Variants in SPTBN5 observed in about 807,000 individuals in gnomAD.
SPTBN5 encodes the protein spectrin beta chain, non-erythrocytic 5.
In SPTBN5, 513 loss-of-function variants were observed where a neutral mutation model predicts 477.6. The observed-to-expected ratio is 1.07, with a 90% CI of 1.00 to 1.16. The LOEUF (loss-of-function observed/expected upper bound fraction) is 1.16. Among genes scored for constraint, SPTBN5 ranks in the 50% most tolerant of loss-of-function variants. The pLI is 0.00. For missense variants in SPTBN5, 5,062 were observed against 4,731.8 expected (o/e 1.07, Z -2.05); for synonymous variants, 2,169 against 2,011.7 (o/e 1.08, Z -2.09).
At chr15:41,870,587 C>T (rs370739332) in intron 29 of SPTBN5, 27 bp from the exon 30 acceptor site, 54 of 1,580,174 alleles carry the variant, frequency 3.4e-5, no homozygotes, top group Admixed American at 1.0e-4. Flanking sequence ...GAAGACCAGC[C>T]GGGGATCAGC....
chr15:41,861,702 C>A (rs1184941744), intron 45 of SPTBN5, 33 bp downstream of exon 45: 2 of 1,522,040 alleles, frequency 1.3e-6, no homozygotes, highest in Non-Finnish European at 1.8e-6. Context: ...TTCGGGGGGG[C>A]AAGATGCAGG....
At chr15:41,891,721 G>A (rs2079889107) in intron 3 of SPTBN5, among the ~76,000 whole-genome samples, 1 of 152,168 alleles carries the variant, frequency 6.6e-6, no homozygotes, top group Admixed American at 6.5e-5. Flanking sequence ...GCTTAGTGGA[G>A]CCCAGCGCCT....
At position 41,886,162 on chromosome 15, in the gene SPTBN5, C is replaced by T. The variant is rs989919912; in HGVS notation, c.1093G>A (p.Ala365Thr). The change falls in exon 7 of 68, where the codon GCC (alanine) becomes ACC (threonine). Residue 365 changes from alanine to threonine, a missense_variant. By Grantham distance (58) the Ala-to-Thr change is moderately conservative. Coordinates refer to ENST00000320955, the MANE Select transcript of SPTBN5 (RefSeq NM_016642.4). Reference sequence around the variant, plus strand: ...AGCCGGAAGAGCAGGGCCTCTGCGGCCCCTCGCTGCTGTAGCCGGGGTGGC... The same window carrying T: ...AGCCGGAAGAGCAGGGCCTCTGCGGTCCCTCGCTGCTGTAGCCGGGGTGGC... ...EKPPRLQQRG[A>T]AEALLFRLQT... 10 of 1,612,266 alleles carry T rather than the reference C, an allele frequency of 6.2e-6. No individual in the cohort carries two copies. The highest frequency in any genetic ancestry group is 8.5e-6 in the Non-Finnish European group (10 of 1,179,576).
rs1160321692 is a variant in SPTBN5, at chr15:41,880,281, G to A, written c.2690C>T (p.Ala897Val). The change falls in exon 14 of 68, where the codon GCC (alanine) becomes GTC (valine). Residue 897 changes from alanine (A) to valine (V), a missense_variant. Coordinates refer to ENST00000320955, the MANE Select transcript of SPTBN5 (RefSeq NM_016642.4). ...LRRARLEEAM[A>V]LFGFCSSCGE... is the part of the protein sequence containing the mutation. ...ACAGGAACTGCAGAAACCGAACAGG[G>A]CCATGGCCTCCTCCAACCGGGCCCT... is the stretch of plus-strand genomic sequence containing the variant. The A allele has an allele frequency of 3.1e-6, 5 of 1,606,768 alleles. No homozygotes were observed. Among genetic ancestry groups the A allele is most frequent in the Non-Finnish European group, 4.2e-6 (5 of 1,177,372 alleles).
intron 55 of SPTBN5, 26 bp downstream of exon 55, chr15:41,855,198 G>A (rs149644179): frequency 1.9e-5 from 31 of 1,592,934 alleles, no homozygotes; most frequent in Non-Finnish European, 2.3e-5. Context: ...CCCACTCCCC[G>A]TGAGGTTTGC....
chr15:41,855,067 G>A, intron 55 of SPTBN5, 91 bp from the exon 56 acceptor site: 1 of 1,452,296 alleles, frequency 6.9e-7, no homozygotes, highest in East Asian at 2.3e-5. Context: ...TGATGGCTCT[G>A]AAATCCCTCA....
At chr15:41,871,975 T>C in intron 27 of SPTBN5, 58 bp from the exon 28 acceptor site, 1 of 1,464,560 alleles carries the variant, frequency 6.8e-7, no homozygotes, top group Non-Finnish European at 9.1e-7. Flanking sequence ...TGGGGGCCAG[T>C]CGGGCCAGCC....
chr15:41,861,621 G>A (rs2066110559), intron 45 of SPTBN5, 114 bp downstream of exon 45: 1 of 1,501,358 alleles, frequency 6.7e-7, no homozygotes, highest in Non-Finnish European at 9.1e-7. Context: ...TGAGTGGTGG[G>A]GAAGTCCCTG....
Position 41,872,448 on chromosome 15 carries a change from C to G in SPTBN5, c.5019G>C (p.Glu1673Asp). Residue 1673 changes from glutamate to aspartate, a missense_variant, in exon 27 of 68, where the codon GAG becomes GAC. Physicochemically the swap from Glu to Asp is conservative, Grantham distance 45 (BLOSUM62 2). Transcript: ENST00000320955. ...RLINKHQALQEELAIYWSSME... is the reference protein window; with the variant it reads ...RLINKHQALQDELAIYWSSME... ...TGGAGCTCCAGTAAATGGCTAGTTC[C>G]TCCTGTAGAGCCTATGATGCATGAG... 6.4e-7 allele frequency: 1 copy of G among 1,560,608 alleles called. No homozygotes were observed. Among genetic ancestry groups the G allele is most frequent in the Non-Finnish European group, 8.7e-7 (1 of 1,152,808 alleles).
intron 4 of SPTBN5, among the ~76,000 whole-genome samples, chr15:41,889,487 G>A (rs906688941): frequency 8.0e-5 from 12 of 150,612 alleles, no homozygotes; most frequent in Admixed American, 1.3e-4. Context: ...GTGTGATCTC[G>A]GCTCATCACA....
chr15:41,852,426 C>T, intron 61 of SPTBN5, 110 bp from the exon 62 acceptor site: 1 of 1,413,960 alleles, frequency 7.1e-7, no homozygotes. Context: ...AGGGGGCCTG[C>T]CTCCCCATCA....
chr15:41,892,982 C>T lies in SPTBN5; in HGVS notation c.296G>A (p.Gly99Glu). Residue 99 changes from glycine (G) to glutamate (E), a missense_variant, in exon 3 of 68, where the codon GGG (glycine) becomes GAG (glutamate). Coordinates refer to ENST00000320955, the MANE Select transcript of SPTBN5 (RefSeq NM_016642.4). ...CCGGCTCGGGGGTGGCAGGGCCTCC[C>T]CTGAGATGAGCTCCAGCAGCCGCAG... ...HLLRLLELIS[G>E]EALPPPSRGR... 2.5e-6 allele frequency: 4 copies of T among 1,609,966 alleles called. No individual in the cohort carries two copies. The highest frequency in any genetic ancestry group is 3.4e-6 in the Non-Finnish European group (4 of 1,179,788).
intron 34 of SPTBN5, 61 bp from the exon 35 acceptor site, chr15:41,867,703 C>T (rs1197838923): frequency 9.3e-6 from 14 of 1,508,626 alleles, no homozygotes; most frequent in Non-Finnish European, 1.3e-5. Flanking sequence ...CCTCCAGCTG[C>T]AGTCTGTGCC....
Position 41,881,053 on chromosome 15 carries a change from C to T in SPTBN5, c.2639G>A (p.Ser880Asn). 1.9e-6 allele frequency: 3 copies of T among 1,595,306 alleles called. No individual in the cohort carries two copies. The highest frequency in any genetic ancestry group is 2.6e-6 in the Non-Finnish European group (3 of 1,170,202). The change falls in exon 13 of 68, where the codon AGT (serine) becomes AAT (asparagine). Residue 880 changes from serine to asparagine, a missense_variant. Physicochemically the swap from Ser to Asn is conservative, Grantham distance 46. Transcript: ENST00000320955. The stretch of plus-strand genomic sequence containing the variant: ...TGTTACCTGTGCCAGGGCCCGCAGA[C>T]TCTCATAGTCCTGACTCAAGTGGTC... ...TQDHLSQDYE[S>N]LRALAQLRRA... is the part of the protein sequence containing the mutation.
rs568511518 is a variant in SPTBN5, at chr15:41,866,498, T to G, written c.6481-5A>C. ...CGCCTGGATCCAGTCCTCAGCCTGG[T>G]GGGGGTGGGACATGAATGCTGCAAT... On this transcript the variant is annotated splice_region_variant and splice_polypyrimidine_tract_variant and intron_variant, in intron 36 of 67. Transcript: ENST00000320955. 1.3e-6 allele frequency: 2 copies of G among 1,554,840 alleles called. No homozygotes were observed. Among genetic ancestry groups the G allele is most frequent in the African/African-American group, 1.4e-5 (1 of 72,854 alleles).
rs549339724 is a variant in SPTBN5 at position 41,855,293 on chromosome 15, G to A, written c.9354C>T (p.Asp3118=). 18 of 1,611,828 alleles carry A rather than the reference G, an allele frequency of 1.1e-5. No individual in the cohort carries two copies. The highest frequency in any genetic ancestry group is 2.2e-5 in the East Asian group (1 of 44,872). ...HQLERETLLL[D]AWLTTKAATA... is the part of the protein sequence containing the mutation. ...TGGCCGCCTTGGTGGTCAGCCAGGC[G>A]TCGAGGAGCAGGGTCTCTCGCTCCA... The change falls in exon 55 of 68, where the codon GAC becomes GAT. Residue 3118 remains aspartate, a synonymous_variant. Coordinates refer to ENST00000320955, the MANE Select transcript of SPTBN5 (RefSeq NM_016642.4).
At chr15:41,893,210 C>A in intron 2 of SPTBN5, 72 bp downstream of exon 2, 5 of 1,601,662 alleles carry the variant, frequency 3.1e-6, no homozygotes, top group Non-Finnish European at 4.3e-6. Context: ...CCACAGCTCA[C>A]CCCGGAGGCC....
intron 67 of SPTBN5, among the ~76,000 whole-genome samples, chr15:41,849,109 G>T (rs928830030): frequency 6.6e-6 from 1 of 152,204 alleles, no homozygotes; most frequent in African/African-American, 2.4e-5. Context: ...CCTGGCATGG[G>T]GCCCATGCAC....
At chr15:41,850,071 T>TG in intron 66 of SPTBN5, 112 bp from the exon 67 acceptor site, 1 of 926,270 alleles carries the variant, frequency 1.1e-6, no homozygotes, top group Middle Eastern at 2.2e-4. Context: ...TTAGGCAGCC[T>TG]GGCTATGCCA....
Sources: allele counts gnomAD v4.1 joint callset (sites outside exome capture counted in the v4.1 genomes callset), GRCh38; gene constraint gnomAD v4.1.1; transcripts MANE v1.5; gene names NCBI Gene and HGNC (gene_info 2026-07-23, HGNC 2026-07-21).